Variants in SCN8A observed in about 807,000 individuals in gnomAD.
The protein encoded by SCN8A is sodium voltage-gated channel alpha subunit 8, also known as sodium channel protein type 8 subunit alpha.
SCN8A carries 30 observed loss-of-function variants against 184.1 expected under a neutral mutation model. That is an observed-to-expected ratio of 0.16 (90% CI 0.12 to 0.22). The LOEUF (loss-of-function observed/expected upper bound fraction) is 0.22, where lower values mean the gene tolerates loss of function less well. Among genes scored for constraint, SCN8A ranks in the 10% least tolerant of loss-of-function variants. SCN8A has a pLI of 1.00. For missense variants in SCN8A, 1,057 were observed against 2,498.9 expected, an observed-to-expected ratio of 0.42 and a Z score of 12.30; for synonymous variants, 852 against 907.0, an observed-to-expected ratio of 0.94 and a Z score of 1.09.
chr12:51,702,733 A>T, intron 8 of SCN8A, 40 bp from the exon 9 acceptor site: 17 of 1,489,268 alleles, frequency 1.1e-5, no homozygotes, highest in Non-Finnish European at 1.5e-5. Flanking sequence ...GCTGGGTGGA[A>T]TTATGTTGAA....
At chr12:51,721,963 T>A in intron 12 of SCN8A, 55 bp downstream of exon 12, 6 of 1,599,052 alleles carry the variant, frequency 3.8e-6, no homozygotes, top group Non-Finnish European at 5.1e-6. Context: ...CACAAATAGA[T>A]CGAGGCTAGG....
Position 51,788,203 on chromosome 12 carries a change from T to TA in SCN8A, c.4228-492_4228-491insA, listed in dbSNP as rs1482218117. Among the ~76,000 whole-genome samples the TA allele has an allele frequency of 5.9e-5, 9 of 151,888 alleles. No homozygotes were observed. In the East Asian group the frequency reaches 1.7e-3, roughly 29 times the overall value. ...GTATTGCTACTACATAGGCTATACA[T>TA]GTGTATATTAGTAAAGGGTAAGTCT... On this transcript the variant is annotated intron_variant, in intron 22 of 26. Coordinates refer to ENST00000627620, the MANE Select transcript of SCN8A (RefSeq NM_001330260.2).
intron 26 of SCN8A, 110 bp downstream of exon 26, chr12:51,794,751 A>G (rs1487613761): frequency 9.4e-7 from 1 of 1,068,710 alleles, no homozygotes; most frequent in Admixed American, 2.2e-5. Context: ...CAGGCAAGAT[A>G]CCCTCATAGC....
chr12:51,613,328 G>A (rs1219666866), intron 1 of SCN8A, among the ~76,000 whole-genome samples: 2 of 152,110 alleles, frequency 1.3e-5, no homozygotes, highest in Non-Finnish European at 2.9e-5. Context: ...TTTGGGGTGA[G>A]TTTTAATACT....
intron 1 of SCN8A, among the ~76,000 whole-genome samples, chr12:51,644,873 C>T (rs1940533801): frequency 6.6e-6 from 1 of 151,858 alleles, no homozygotes; most frequent in Non-Finnish European, 1.5e-5. Context: ...TGAGGAGACC[C>T]TCTGCCTGGC....
chr12:51,792,634 C>T (rs1232322724), intron 25 of SCN8A, among the ~76,000 whole-genome samples: 1 of 152,022 alleles, frequency 6.6e-6, no homozygotes, highest in African/African-American at 2.4e-5. Context: ...CAGAGTCAGA[C>T]TGTGCCAGGT....
chr12:51,751,509 C>T lies in SCN8A; in HGVS notation c.2286C>T (p.Cys762=). ...TTGTGGATTTAGCCATCACCATCTG[C>T]ATCGTCCTGAATACACTGTTTATGG... The part of the protein sequence containing the change: ...DPFVDLAITI[C]IVLNTLFMAM... The change falls in exon 14 of 27, where the codon TGC becomes TGT. Residue 762 remains cysteine, a synonymous_variant. Transcript: ENST00000627620. 1 of 1,613,954 alleles carries T rather than the reference C, an allele frequency of 6.2e-7. No homozygotes were observed. Among genetic ancestry groups the T allele is most frequent in the Non-Finnish European group, 8.5e-7 (1 of 1,179,858 alleles).
rs147393496 is a variant in SCN8A, at chr12:51,612,846, C to T, written c.-55+21487C>T. Among the ~76,000 whole-genome samples the T allele has an allele frequency of 2.8e-3, 424 of 152,150 alleles. 1 individual carries two copies. Among genetic ancestry groups the T allele is most frequent in the Non-Finnish European group, 4.1e-3 (277 of 67,988 alleles). ...AAGTGATTCTCCTGCCTCAGCCTCC[C>T]GAGTAGCTGGGATTACAGGCACCCA... On this transcript the variant is annotated intron_variant, in intron 1 of 26. Transcript: ENST00000627620.
At chr12:51,748,069 A>G (rs1479471854) in intron 13 of SCN8A, among the ~76,000 whole-genome samples, 1 of 152,210 alleles carries the variant, frequency 6.6e-6, no homozygotes, top group Admixed American at 6.5e-5. Flanking sequence ...CTGATGGGAC[A>G]GAACTGCTAT....
chr12:51,774,846 C>G (rs1937638649), intron 20 of SCN8A, among the ~76,000 whole-genome samples: 3 of 152,158 alleles, frequency 2.0e-5, no homozygotes, highest in Non-Finnish European at 2.9e-5. Flanking sequence ...CCGGACTCAT[C>G]CAAACAAGTC....
Position 51,791,245 on chromosome 12 carries a change from A to G in SCN8A, c.4524+743A>G, listed in dbSNP as rs118071929. On this transcript the variant is annotated intron_variant, in intron 25 of 26. Transcript: ENST00000627620. Reference sequence around the variant, plus strand: ...AAAACCCAGCAGAACCTTTAATACAAAAGCTTCCCTGATAATCTAATTTGT... The same window carrying G: ...AAAACCCAGCAGAACCTTTAATACAGAAGCTTCCCTGATAATCTAATTTGT... Among the ~76,000 whole-genome samples, 369 of 152,328 alleles carry G rather than the reference A, an allele frequency of 2.4e-3. 5 individuals are homozygous for G. Among genetic ancestry groups the G allele is most frequent in the Non-Finnish European group, 4.4e-3 (301 of 68,030 alleles).
At chr12:51,648,006 G>C (rs926851444) in intron 1 of SCN8A, among the ~76,000 whole-genome samples, 3 of 150,826 alleles carry the variant, frequency 2.0e-5, no homozygotes, top group African/African-American at 7.3e-5. Context: ...TCTTTCCCTT[G>C]AGGAGCAAAG....
At chr12:51,666,645 A>G (rs771976830) in intron 2 of SCN8A, among the ~76,000 whole-genome samples, 3 of 152,076 alleles carry the variant, frequency 2.0e-5, no homozygotes, top group Admixed American at 6.5e-5. Context: ...CATAGGTCTC[A>G]TTTTCTAACT....
chr12:51,676,603 G>C (rs1941226928), intron 2 of SCN8A, among the ~76,000 whole-genome samples: 1 of 152,152 alleles, frequency 6.6e-6, no homozygotes, highest in Non-Finnish European at 1.5e-5. Flanking sequence ...GGGGAATAAA[G>C]TACATATATT....
Position 51,706,550 on chromosome 12 carries a change from A to G in SCN8A, c.1470A>G (p.Glu490=), listed in dbSNP as rs187115247. 1.4e-4 allele frequency: 228 copies of G among 1,607,656 alleles called. No homozygotes were observed. The highest frequency in any genetic ancestry group is 1.4e-3 in the African/African-American group (103 of 74,882). ...AACTCAGCTCAAAGAGTGCAAAGGAAAGACGTAACAGGAGAAAGAAGAGGA... is the reference window on the plus strand; with the variant it reads ...AACTCAGCTCAAAGAGTGCAAAGGAGAGACGTAACAGGAGAAAGAAGAGGA... ...ISKLSSKSAK[E]RRNRRKKRKQ... is the part of the protein sequence containing the mutation. The change falls in exon 11 of 27, where the codon GAA becomes GAG. Residue 490 remains glutamate, a synonymous_variant. Transcript: ENST00000627620.
chr12:51,685,740 A>G (rs1295638431), intron 3 of SCN8A, among the ~76,000 whole-genome samples: 1 of 152,124 alleles, frequency 6.6e-6, no homozygotes, highest in Non-Finnish European at 1.5e-5. Flanking sequence ...TCAGCCCTTT[A>G]GAAGGACTAG....
At chr12:51,723,509 T>C (rs1488362305) in intron 12 of SCN8A, among the ~76,000 whole-genome samples, 2 of 152,070 alleles carry the variant, frequency 1.3e-5, no homozygotes, top group Non-Finnish European at 2.9e-5. Flanking sequence ...GCAAAAATAC[T>C]CTCCCCCTTA....
Position 51,647,162 on chromosome 12 carries a change from AGTGG to A in SCN8A, c.-54-15600_-54-15597del, listed in dbSNP as rs568925866. 5.5e-3 allele frequency among the ~76,000 whole-genome samples: 838 copies of A among 152,264 alleles called. 10 individuals are homozygous for A. The highest frequency in any genetic ancestry group is 0.019 in the African/African-American group (785 of 41,556). The stretch of plus-strand genomic sequence containing the variant: ...AGTTTAAGTCCAGCCTGGGCAACAC[AGTGG>A]GACCCCATCTCTGAATTAAAGGAAA... On this transcript the variant is annotated intron_variant, in intron 1 of 26. Transcript: ENST00000627620.
Position 51,701,194 on chromosome 12 carries a change from A to G in SCN8A, c.979A>G (p.Ser327Gly), listed in dbSNP as rs776048628. The G allele has an allele frequency of 1.2e-6, 2 of 1,607,138 alleles. No homozygotes were observed. Among genetic ancestry groups the G allele is most frequent in the East Asian group, 4.5e-5 (2 of 44,784 alleles). ...GMLEPLLCGN[S>G]SDAGQCPEGY... ...GCTGGAACCTTTACTCTGTGGGAAC[A>G]GTTCTGATGCTGGGTAAGTAGCTCA... The change falls in exon 8 of 27, where the codon AGT becomes GGT. Residue 327 changes from serine (S) to glycine (G), a missense_variant. This residue lies in a region of SCN8A where 27 missense variants were observed against 150.1 expected (regional missense o/e 0.18). Transcript: ENST00000627620.
Sources: allele counts gnomAD v4.1 joint callset (sites outside exome capture counted in the v4.1 genomes callset), GRCh38; gene constraint gnomAD v4.1.1; regional missense constraint gnomAD v4.1.1; transcripts MANE v1.5; gene names NCBI Gene and HGNC (gene_info 2026-07-23, HGNC 2026-07-21).